Variants in FBXL7 observed in about 807,000 individuals in gnomAD.
The protein encoded by FBXL7 is F-box and leucine rich repeat protein 7.
FBXL7 carries 12 observed loss-of-function variants against 38.3 expected under a neutral mutation model. The ratio of observed to expected loss-of-function variants is 0.31; its 90% confidence interval spans 0.20 to 0.51. The LOEUF (loss-of-function observed/expected upper bound fraction) is 0.51. Ranked by LOEUF, FBXL7 falls within the 20% of genes least tolerant of loss-of-function variation. The pLI is 0.98. For synonymous variants in FBXL7, 297 were observed against 300.9 expected (o/e 0.99, Z 0.13); for missense variants, 567 against 676.4 (o/e 0.84, Z 1.79).
intron 1 of FBXL7, among the ~76,000 whole-genome samples, chr5:15,571,574 A>G (rs1475167365): frequency 2.6e-5 from 4 of 152,174 alleles, no homozygotes; most frequent in African/African-American, 9.6e-5. Context: ...TCCCAAGAAA[A>G]TATCACTGTT....
chr5:15,764,313 T>G (rs920034803), intron 2 of FBXL7, among the ~76,000 whole-genome samples: 1 of 152,210 alleles, frequency 6.6e-6, no homozygotes, highest in Non-Finnish European at 1.5e-5. Flanking sequence ...CTATTACTAT[T>G]TGAATACATA....
intron 2 of FBXL7, among the ~76,000 whole-genome samples, chr5:15,872,835 G>T (rs564480729): frequency 6.6e-6 from 1 of 152,072 alleles, no homozygotes; most frequent in Admixed American, 6.6e-5. Context: ...AATAGTGAGC[G>T]ACCTTAACAC....
intron 2 of FBXL7, among the ~76,000 whole-genome samples, chr5:15,734,178 T>A (rs1353633455): frequency 1.3e-5 from 2 of 151,330 alleles, no homozygotes; most frequent in Non-Finnish European, 2.9e-5. Flanking sequence ...GACCTTGCTG[T>A]CCCCAGCTGC....
intron 2 of FBXL7, among the ~76,000 whole-genome samples, chr5:15,702,926 C>T (rs894011280): frequency 2.0e-5 from 3 of 151,744 alleles, no homozygotes; most frequent in African/African-American, 4.8e-5. Flanking sequence ...TGTTCTCTGG[C>T]GGGCAGGAGT....
intron 2 of FBXL7, among the ~76,000 whole-genome samples, chr5:15,777,881 G>A (rs188774915): frequency 1.3e-5 from 2 of 151,898 alleles, no homozygotes; most frequent in East Asian, 3.9e-4. Flanking sequence ...TGAGGAAAGT[G>A]GAAAACAAAT....
At chr5:15,639,382 C>G (rs981218665) in intron 2 of FBXL7, among the ~76,000 whole-genome samples, 2 of 152,052 alleles carry the variant, frequency 1.3e-5, no homozygotes, top group East Asian at 1.9e-4. Context: ...GGGGGTGGGT[C>G]TTTCCCATGC....
intron 1 of FBXL7, among the ~76,000 whole-genome samples, chr5:15,532,642 C>T (rs1379422459): frequency 1.3e-5 from 2 of 152,248 alleles, no homozygotes; most frequent in African/African-American, 2.4e-5. Flanking sequence ...CGGCATCCTG[C>T]CTTATGGACT....
At chr5:15,640,644 C>T (rs530618582) in intron 2 of FBXL7, among the ~76,000 whole-genome samples, 3 of 152,164 alleles carry the variant, frequency 2.0e-5, no homozygotes, top group East Asian at 3.9e-4. Context: ...CTGCCTCAGC[C>T]TCCAGAGTAG....
chr5:15,526,626 G>A (rs1187212844), intron 1 of FBXL7, among the ~76,000 whole-genome samples: 5 of 152,096 alleles, frequency 3.3e-5, no homozygotes, highest in Admixed American at 6.5e-5. Flanking sequence ...TTGCTGTTCC[G>A]CTAGAGGGAA....
intron 2 of FBXL7, among the ~76,000 whole-genome samples, chr5:15,843,938 A>G (rs1409133154): frequency 2.0e-5 from 3 of 151,546 alleles, no homozygotes; most frequent in African/African-American, 4.8e-5. Flanking sequence ...TTCTAAATAT[A>G]TATGTATAGT....
intron 1 of FBXL7, among the ~76,000 whole-genome samples, chr5:15,542,826 T>C (rs984940870): frequency 6.6e-6 from 1 of 152,180 alleles, no homozygotes; most frequent in African/African-American, 2.4e-5. Context: ...GTTTACCCTG[T>C]TTTATATTGA....
chr5:15,931,290 A>G (rs1742030605), intron 3 of FBXL7, among the ~76,000 whole-genome samples: 1 of 152,228 alleles, frequency 6.6e-6, no homozygotes, highest in African/African-American at 2.4e-5. Flanking sequence ...GAAACCCCAT[A>G]GGTTTGTTCA....
At chr5:15,582,640 C>T (rs1299206663) in intron 1 of FBXL7, among the ~76,000 whole-genome samples, 1 of 152,182 alleles carries the variant, frequency 6.6e-6, no homozygotes, top group Non-Finnish European at 1.5e-5. Context: ...ATTAGATAAA[C>T]AGCTTTGAGT....
At chr5:15,655,153 A>G (rs947472002) in intron 2 of FBXL7, among the ~76,000 whole-genome samples, 1 of 152,216 alleles carries the variant, frequency 6.6e-6, no homozygotes, top group African/African-American at 2.4e-5. Context: ...GAAGGTATGA[A>G]AATAAGCAAA....
chr5:15,633,987 G>A (rs181119456), intron 2 of FBXL7, among the ~76,000 whole-genome samples: 10 of 151,336 alleles, frequency 6.6e-5, no homozygotes, highest in African/African-American at 2.4e-4. Context: ...TACCATGTTG[G>A]CCAGGCTGGT....
chr5:15,616,078 C>T lies in FBXL7; in HGVS notation c.127+6C>T. 1 of 1,599,596 alleles carries T rather than the reference C, an allele frequency of 6.3e-7. No individual in the cohort carries two copies. Among genetic ancestry groups the T allele is most frequent in the Non-Finnish European group, 8.6e-7 (1 of 1,168,036 alleles). ...GAATGTGGCTACCAGCGAAGGTAGG[C>T]AGCTGGTCTTCATTATCTCTCTTTC... On this transcript the variant is annotated splice_donor_region_variant and intron_variant, in intron 2 of 3. Transcript: ENST00000504595.
chr5:15,545,758 C>G (rs1183302756), intron 1 of FBXL7, among the ~76,000 whole-genome samples: 2 of 152,152 alleles, frequency 1.3e-5, no homozygotes, highest in African/African-American at 4.8e-5. Context: ...ATGGAATTAG[C>G]TAATTGTGCA....
intron 2 of FBXL7, among the ~76,000 whole-genome samples, chr5:15,776,209 G>A (rs892750200): frequency 1.3e-5 from 2 of 152,084 alleles, no homozygotes; most frequent in East Asian, 3.9e-4. Flanking sequence ...TTAATAAAGT[G>A]TGAACGTACC....
At chr5:15,698,720 TCC>T (rs1448199958) in intron 2 of FBXL7, among the ~76,000 whole-genome samples, 1 of 152,172 alleles carries the variant, frequency 6.6e-6, no homozygotes, top group Non-Finnish European at 1.5e-5. Context: ...TATTATTGAG[TCC>T]AGTTGCTTAA....
Sources: allele counts gnomAD v4.1 joint callset (sites outside exome capture counted in the v4.1 genomes callset), GRCh38; gene constraint gnomAD v4.1.1; transcripts MANE v1.5; gene names NCBI Gene and HGNC (gene_info 2026-07-23, HGNC 2026-07-21).